The following RAP1GAP2 variants were observed in gnomAD, a reference collection of about 807,000 sequenced individuals.
The protein encoded by RAP1GAP2 is RAP1 GTPase activating protein 2.
A neutral mutation model predicts 95.0 loss-of-function variants in RAP1GAP2; 27 were observed. The observed-to-expected ratio is 0.28, with a 90% CI of 0.21 to 0.39. The LOEUF (loss-of-function observed/expected upper bound fraction) is 0.39. Among genes scored for constraint, RAP1GAP2 ranks in the 10% least tolerant of loss-of-function variants. RAP1GAP2 has a pLI of 1.00. For synonymous variants in RAP1GAP2, 373 were observed against 380.9 expected, an observed-to-expected ratio of 0.98 and a Z score of 0.24; for missense variants, 771 against 970.0, an observed-to-expected ratio of 0.79 and a Z score of 2.72.
At chr17:2,792,773 C>T (rs1240665588), upstream of RAP1GAP2, among the ~76,000 whole-genome samples, 1 of 152,238 alleles carries the variant, frequency 6.6e-6, no homozygotes, top group Admixed American at 6.5e-5. Flanking sequence ...AAACCAGCCT[C>T]AGGGTGGCAG....
intron 3 of RAP1GAP2, among the ~76,000 whole-genome samples, chr17:2,938,434 A>T (rs1452462022): frequency 2.6e-5 from 4 of 151,968 alleles, no homozygotes; most frequent in Non-Finnish European, 5.9e-5. Context: ...ATGGGTATGG[A>T]GCGTGACATG....
chr17:2,927,309 G>T lies in RAP1GAP2; in HGVS notation c.165+21941G>T, dbSNP rs112401807. On this transcript the variant is annotated intron_variant, in intron 3 of 24. Coordinates refer to ENST00000254695, the MANE Select transcript of RAP1GAP2 (RefSeq NM_015085.5). The stretch of plus-strand genomic sequence containing the variant: ...GCTGGGACTACAGGCACCCGCCACC[G>T]CGCCCGGCTAATTTTTTGTATTTTT... Among the ~76,000 whole-genome samples the T allele has an allele frequency of 9.9e-5, 15 of 151,834 alleles. No homozygotes were observed. The South Asian group carries it at 1.9e-3, about 19-fold the overall frequency.
chr17:2,935,522 A>C (rs1366804703), intron 3 of RAP1GAP2, among the ~76,000 whole-genome samples: 1 of 152,160 alleles, frequency 6.6e-6, no homozygotes, highest in East Asian at 1.9e-4. Context: ...ACACACACAC[A>C]AAAGAGAACG....
At chr17:2,934,675 C>T (rs1482880157) in intron 3 of RAP1GAP2, among the ~76,000 whole-genome samples, 1 of 152,200 alleles carries the variant, frequency 6.6e-6, no homozygotes, top group African/African-American at 2.4e-5. Flanking sequence ...TCTCATTTAA[C>T]AACTCTGAAA....
chr17:2,929,212 G>A (rs942183234), intron 3 of RAP1GAP2, among the ~76,000 whole-genome samples: 1 of 152,152 alleles, frequency 6.6e-6, no homozygotes, highest in African/African-American at 2.4e-5. Flanking sequence ...CAGCCTGGGC[G>A]ACAGAGTGAG....
At chr17:2,975,061 T>C (rs979621444) in intron 8 of RAP1GAP2, among the ~76,000 whole-genome samples, 12 of 152,198 alleles carry the variant, frequency 7.9e-5, no homozygotes, top group South Asian at 4.1e-4. Flanking sequence ...AAACCCCATT[T>C]CTACTAAAAA....
At chr17:3,002,513 G>A (rs531779997) in intron 14 of RAP1GAP2, among the ~76,000 whole-genome samples, 70 of 152,348 alleles carry the variant, frequency 4.6e-4, no homozygotes, top group South Asian at 2.9e-3. Flanking sequence ...AGCAGACTGC[G>A]AGGAGGACCC....
intron 4 of RAP1GAP2, among the ~76,000 whole-genome samples, chr17:2,959,391 G>A (rs760828871): frequency 1.9e-4 from 29 of 152,166 alleles, no homozygotes; most frequent in Admixed American, 1.5e-3. Flanking sequence ...CCTGGGTAGC[G>A]TGCCTGTTCC....
At chr17:2,816,318 C>A (rs1293790932) in intron 2 of RAP1GAP2, among the ~76,000 whole-genome samples, 1 of 151,334 alleles carries the variant, frequency 6.6e-6, no homozygotes, top group South Asian at 2.1e-4. Flanking sequence ...CATTTTTTCT[C>A]ATTTTCATCA....
chr17:2,786,093 G>C (rs948412513), intron 1 of RAP1GAP2, among the ~76,000 whole-genome samples: 5 of 152,052 alleles, frequency 3.3e-5, no homozygotes, highest in African/African-American at 4.8e-5. Flanking sequence ...GAGAGACGGG[G>C]TTTCACCATG....
chr17:2,952,651 T>A (rs937389053), intron 3 of RAP1GAP2, among the ~76,000 whole-genome samples: 5 of 152,190 alleles, frequency 3.3e-5, no homozygotes, highest in African/African-American at 4.8e-5. Flanking sequence ...CTGCCACATA[T>A]CCTTGCCAAC....
chr17:2,948,079 C>T (rs1333451895), intron 3 of RAP1GAP2, among the ~76,000 whole-genome samples: 1 of 152,186 alleles, frequency 6.6e-6, no homozygotes, highest in Non-Finnish European at 1.5e-5. Flanking sequence ...GAGGCGATTG[C>T]AAGGACTCAT....
chr17:2,861,930 A>G (rs532036655), intron 2 of RAP1GAP2, among the ~76,000 whole-genome samples: 2 of 152,330 alleles, frequency 1.3e-5, no homozygotes, highest in Non-Finnish European at 1.5e-5. Flanking sequence ...TGCTGGGATT[A>G]CAGACGTGAG....
chr17:2,890,066 G>A (rs1363495553), intron 2 of RAP1GAP2, among the ~76,000 whole-genome samples: 3 of 151,370 alleles, frequency 2.0e-5, no homozygotes, highest in South Asian at 2.1e-4. Flanking sequence ...CTGTTGAGAT[G>A]AGATCCCAGC....
At chr17:2,954,620 G>A (rs1044239308) in intron 3 of RAP1GAP2, among the ~76,000 whole-genome samples, 1 of 151,890 alleles carries the variant, frequency 6.6e-6, no homozygotes, top group African/African-American at 2.4e-5. Context: ...CTGAGAGGCA[G>A]TCTTGCTCTG....
chr17:2,994,322 T>G (rs2151574886), intron 12 of RAP1GAP2, among the ~76,000 whole-genome samples: 1 of 152,338 alleles, frequency 6.6e-6, no homozygotes, highest in East Asian at 1.9e-4. Context: ...CCATCTTATT[T>G]CATTTTCTTA....
chr17:2,992,362 A>T (rs780366725), intron 12 of RAP1GAP2, among the ~76,000 whole-genome samples: 3 of 151,938 alleles, frequency 2.0e-5, no homozygotes, highest in Non-Finnish European at 4.4e-5. Context: ...GGGTTTCACC[A>T]TGCTAGCCAG....
intron 3 of RAP1GAP2, among the ~76,000 whole-genome samples, chr17:2,925,807 T>C (rs1170700121): frequency 6.6e-6 from 1 of 151,996 alleles, no homozygotes; most frequent in Non-Finnish European, 1.5e-5. Flanking sequence ...CTGCAAAGCC[T>C]GGGGAGGGTC....
intron 3 of RAP1GAP2, among the ~76,000 whole-genome samples, chr17:2,940,841 G>C (rs1018944294): frequency 1.3e-5 from 2 of 152,128 alleles, no homozygotes; most frequent in Non-Finnish European, 2.9e-5. Context: ...CTCCCTCCTT[G>C]GCTGTGTCAT....
Sources: allele counts gnomAD v4.1 joint callset (sites outside exome capture counted in the v4.1 genomes callset), GRCh38; gene constraint gnomAD v4.1.1; transcripts MANE v1.5; gene names NCBI Gene and HGNC (gene_info 2026-07-23, HGNC 2026-07-21).